KHDRBS2: variants seen among roughly 807,000 people sequenced by gnomAD.
The protein encoded by KHDRBS2 is KH RNA binding domain containing, signal transduction associated 2.
In KHDRBS2, 26 loss-of-function variants were observed where a neutral mutation model predicts 44.3. That is an observed-to-expected ratio of 0.59 (90% CI 0.43 to 0.81). The LOEUF is 0.81. Among genes scored for constraint, KHDRBS2 ranks in the 40% least tolerant of loss-of-function variants. KHDRBS2 has a pLI of 0.00. For missense variants in KHDRBS2, 476 were observed against 433.1 expected, an observed-to-expected ratio of 1.10 and a Z score of -0.88; for synonymous variants, 194 against 151.1, an observed-to-expected ratio of 1.28 and a Z score of -2.08.
chr6:61,868,456 C>T (rs968032291), intron 6 of KHDRBS2, among the ~76,000 whole-genome samples: 15 of 152,136 alleles, frequency 9.9e-5, no homozygotes, highest in Non-Finnish European at 1.6e-4. Flanking sequence ...AATCAGGGTC[C>T]TGCTTAATGT....
chr6:61,671,801 G>A, the KHDRBS2 span, among the ~76,000 whole-genome samples: 1 of 151,468 alleles, frequency 6.6e-6, no homozygotes, highest in Non-Finnish European at 1.5e-5. Context: ...GCTTATACAA[G>A]TATATTTCTA....
chr6:61,738,112 C>G (rs1376212382), intron 6 of KHDRBS2, among the ~76,000 whole-genome samples: 5 of 151,930 alleles, frequency 3.3e-5, no homozygotes, highest in Non-Finnish European at 1.5e-5. Context: ...GAAGACATTA[C>G]TTTCTTATCA....
the KHDRBS2 span, among the ~76,000 whole-genome samples, chr6:61,588,982 G>T: frequency 1.3e-5 from 2 of 152,006 alleles, no homozygotes; most frequent in African/African-American, 4.8e-5. Flanking sequence ...ACCAAATGCT[G>T]CATGTTCTCA....
chr6:62,127,928 C>A (rs1194020743), intron 2 of KHDRBS2, among the ~76,000 whole-genome samples: 1 of 152,076 alleles, frequency 6.6e-6, no homozygotes, highest in Non-Finnish European at 1.5e-5. Flanking sequence ...CTGCCAGGGA[C>A]CATGGCTTGT....
chr6:61,806,704 T>C (rs549521498), intron 6 of KHDRBS2, among the ~76,000 whole-genome samples: 8 of 152,294 alleles, frequency 5.3e-5, no homozygotes, highest in African/African-American at 1.7e-4. Context: ...TAAATGTTGA[T>C]GTAATCTAGT....
intron 3 of KHDRBS2, among the ~76,000 whole-genome samples, chr6:61,992,472 A>G (rs1776312922): frequency 6.6e-6 from 1 of 152,130 alleles, no homozygotes; most frequent in South Asian, 2.1e-4. Context: ...CTTCCATGTA[A>G]TATCTTCTAA....
At chr6:61,686,040 A>T (rs1204120) in intron 8 of KHDRBS2, among the ~76,000 whole-genome samples, 92,545 of 151,434 alleles carry the variant, frequency 0.61, 29,557 homozygotes, top group Non-Finnish European at 0.7. Context: ...GGAAATTAAT[A>T]TTAGAGATCA....
At chr6:62,090,520 C>A (rs1799296387) in intron 2 of KHDRBS2, among the ~76,000 whole-genome samples, 1 of 151,752 alleles carries the variant, frequency 6.6e-6, no homozygotes, top group Non-Finnish European at 1.5e-5. Context: ...CAATGCAATT[C>A]TCTACCTCCC....
chr6:62,271,559 G>A (rs1004929383), intron 1 of KHDRBS2, among the ~76,000 whole-genome samples: 3 of 152,040 alleles, frequency 2.0e-5, no homozygotes, highest in Non-Finnish European at 4.4e-5. Context: ...TATTCCAGAG[G>A]GAGATATGAT....
chr6:61,593,662 T>C, the KHDRBS2 span, among the ~76,000 whole-genome samples: 1 of 91,804 alleles, frequency 1.1e-5, no homozygotes, highest in Admixed American at 1.1e-4. Flanking sequence ...TTAAGTTAGC[T>C]TTACGGAACT....
chr6:61,735,021 A>T (rs192821568), intron 6 of KHDRBS2, among the ~76,000 whole-genome samples: 1 of 152,204 alleles, frequency 6.6e-6, no homozygotes, highest in African/African-American at 2.4e-5. Context: ...CCTTGCTTTA[A>T]TTTCTTGCTG....
intron 1 of KHDRBS2, among the ~76,000 whole-genome samples, chr6:62,193,718 A>T (rs1326093914): frequency 2.0e-5 from 3 of 152,080 alleles, no homozygotes; most frequent in Admixed American, 6.6e-5. Context: ...GGATTCCAGG[A>T]TCTCTGCATC....
At chr6:61,633,802 T>G in the KHDRBS2 span, among the ~76,000 whole-genome samples, 13 of 98,770 alleles carry the variant, frequency 1.3e-4, no homozygotes, top group Admixed American at 5.2e-4. Flanking sequence ...TTGAGATACC[T>G]TTATATTACT....
At chr6:61,612,355 T>G in the KHDRBS2 span, among the ~76,000 whole-genome samples, 2 of 152,232 alleles carry the variant, frequency 1.3e-5, no homozygotes, top group African/African-American at 4.8e-5. Context: ...GTCTAAGATT[T>G]ATGGCAATCT....
the KHDRBS2 span, among the ~76,000 whole-genome samples, chr6:61,621,706 G>A: frequency 0.012 from 1,814 of 152,280 alleles, 36 homozygotes; most frequent in African/African-American, 0.042. Context: ...CTCTTTTAGT[G>A]TGGGTAGGAC....
chr6:62,044,145 C>T (rs1388108284), intron 3 of KHDRBS2, among the ~76,000 whole-genome samples: 6 of 151,894 alleles, frequency 4.0e-5, no homozygotes, highest in African/African-American at 1.5e-4. Flanking sequence ...TTAAGACATA[C>T]TTTGTATGTC....
intron 4 of KHDRBS2, among the ~76,000 whole-genome samples, chr6:61,908,895 A>T (rs1805542473): frequency 6.6e-6 from 1 of 152,112 alleles, no homozygotes; most frequent in Non-Finnish European, 1.5e-5. Context: ...TACCTGCAGT[A>T]AATAAAATAT....
chr6:61,781,695 C>T (rs1476598500), intron 6 of KHDRBS2, among the ~76,000 whole-genome samples: 2 of 152,056 alleles, frequency 1.3e-5, no homozygotes, highest in Non-Finnish European at 2.9e-5. Context: ...ATATCCATCA[C>T]CCAAATAGAA....
intron 2 of KHDRBS2, among the ~76,000 whole-genome samples, chr6:62,061,450 T>A (rs915828234): frequency 1.3e-4 from 19 of 151,302 alleles, no homozygotes; most frequent in African/African-American, 4.6e-4. Context: ...TTTGGCTGGA[T>A]ATGAAATTCT....
Sources: gnomAD v4.1 joint callset for allele counts (sites outside exome capture counted in the v4.1 genomes callset) on GRCh38, gnomAD v4.1.1 for gene constraint, MANE v1.5 for transcripts, NCBI Gene and HGNC (gene_info 2026-07-23, HGNC 2026-07-21) for gene names.